The following MYO1D variants were observed in gnomAD, a reference collection of about 807,000 sequenced individuals.
The protein encoded by MYO1D is myosin ID, also known as unconventional myosin-Id.
A neutral mutation model predicts 122.0 loss-of-function variants in MYO1D; 83 were observed. The observed-to-expected ratio is 0.68, with a 90% confidence interval of 0.57 to 0.82. The LOEUF (loss-of-function observed/expected upper bound fraction) is 0.82. Ranked by LOEUF, MYO1D falls within the 40% of genes least tolerant of loss-of-function variation. MYO1D has a pLI of 0.00. For missense variants in MYO1D, 1,157 were observed against 1,269.5 expected, an observed-to-expected ratio of 0.91 and a Z score of 1.35; for synonymous variants, 464 against 446.9, an observed-to-expected ratio of 1.04 and a Z score of -0.48.
At chr17:32,870,597 T>TA (rs34935920) in intron 1 of MYO1D, among the ~76,000 whole-genome samples, 173 of 138,836 alleles carry the variant, frequency 1.2e-3, no homozygotes, top group Middle Eastern at 3.8e-3. Flanking sequence ...GATTGTCTGC[T>TA]AAAAAAAAAA....
chr17:32,867,898 A>C (rs969780788), intron 1 of MYO1D, among the ~76,000 whole-genome samples: 75 of 150,428 alleles, frequency 5.0e-4, no homozygotes, highest in African/African-American at 1.6e-3. Context: ...TAATGAGGAA[A>C]TTGGTTATAG....
At chr17:32,767,056 T>C (rs2090066479) in intron 7 of MYO1D, among the ~76,000 whole-genome samples, 1 of 152,224 alleles carries the variant, frequency 6.6e-6, no homozygotes, top group Admixed American at 6.5e-5. Context: ...TCATTCTTAT[T>C]GTAAGATTAT....
intron 15 of MYO1D, among the ~76,000 whole-genome samples, chr17:32,716,668 G>A (rs967005663): frequency 6.6e-6 from 1 of 152,168 alleles, no homozygotes; most frequent in African/African-American, 2.4e-5. Flanking sequence ...CTATAGTAGG[G>A]GTCTACATCT....
chr17:32,759,988 AG>A (rs1187684718), intron 10 of MYO1D: 1 of 562,016 alleles, frequency 1.8e-6, no homozygotes, highest in African/African-American at 1.9e-5. Context: ...AACTTAATAA[AG>A]TATGCTAAAC....
At chr17:32,566,010 C>G (rs1328084500) in intron 21 of MYO1D, among the ~76,000 whole-genome samples, 4 of 152,088 alleles carry the variant, frequency 2.6e-5, no homozygotes, top group African/African-American at 9.7e-5. Context: ...CAGATGTGAG[C>G]CACCGCACCC....
chr17:32,768,686 T>C (rs1232953681), intron 6 of MYO1D, among the ~76,000 whole-genome samples: 1 of 152,202 alleles, frequency 6.6e-6, no homozygotes, highest in Non-Finnish European at 1.5e-5. Flanking sequence ...GACAAGATAC[T>C]TAACCTCATT....
chr17:32,514,044 C>G (rs946075768), intron 21 of MYO1D, among the ~76,000 whole-genome samples: 1 of 151,596 alleles, frequency 6.6e-6, no homozygotes, highest in African/African-American at 2.4e-5. Flanking sequence ...GAGTTCAAGA[C>G]CAGCCTGGCC....
At chr17:32,845,838 G>A (rs1263209307) in intron 1 of MYO1D, among the ~76,000 whole-genome samples, 1 of 152,060 alleles carries the variant, frequency 6.6e-6, no homozygotes, top group Non-Finnish European at 1.5e-5. Context: ...TTCCACTCCT[G>A]TGGTGGCTTT....
chr17:32,503,349 CTG>C (rs994454222), intron 21 of MYO1D, among the ~76,000 whole-genome samples: 2 of 152,242 alleles, frequency 1.3e-5, no homozygotes, highest in African/African-American at 4.8e-5. Context: ...GATTAGGAGA[CTG>C]TCATTCGCCG....
At chr17:32,598,917 T>C (rs1277657026) in intron 21 of MYO1D, among the ~76,000 whole-genome samples, 1 of 152,200 alleles carries the variant, frequency 6.6e-6, no homozygotes, top group African/African-American at 2.4e-5. Context: ...AAAATACTAA[T>C]GATCATCTGA....
At chr17:32,852,469 ATTCTAC>A (rs1307530535) in intron 1 of MYO1D, among the ~76,000 whole-genome samples, 1 of 152,186 alleles carries the variant, frequency 6.6e-6, no homozygotes, top group African/African-American at 2.4e-5. Flanking sequence ...TAGCCAAGTT[ATTCTAC>A]TTCTAGGAAT....
rs1429762124 is a variant in MYO1D, at chr17:32,876,963, C to G, written c.-91G>C. The G allele has an allele frequency of 6.9e-6, 5 of 729,438 alleles. No homozygotes were observed. Among genetic ancestry groups the G allele is most frequent in the Admixed American group, 4.7e-5 (1 of 21,240 alleles). The allele number at this position is 729,438 out of a possible 1,614,324, so 45.2% of individuals were successfully genotyped here. On this transcript the variant is annotated 5_prime_UTR_variant, in exon 1 of 22. Transcript: ENST00000318217. ...GAGCTCGGGAGGGGCCGGGGCGAGGCCGCGCCGCGAGGCTACGGGGAGGGG... is the reference window on the plus strand; with the variant it reads ...GAGCTCGGGAGGGGCCGGGGCGAGGGCGCGCCGCGAGGCTACGGGGAGGGG...
At chr17:32,857,401 C>A (rs956114845) in intron 1 of MYO1D, among the ~76,000 whole-genome samples, 1 of 151,980 alleles carries the variant, frequency 6.6e-6, no homozygotes, top group Non-Finnish European at 1.5e-5. Context: ...CTGGCTAACA[C>A]GGTGAAACCC....
intron 1 of MYO1D, among the ~76,000 whole-genome samples, chr17:32,823,080 G>C (rs902235940): frequency 3.9e-5 from 6 of 152,146 alleles, no homozygotes; most frequent in Non-Finnish European, 8.8e-5. Flanking sequence ...CCACATTCAG[G>C]AAGGGGTGAT....
intron 21 of MYO1D, among the ~76,000 whole-genome samples, chr17:32,590,612 A>C (rs1019605126): frequency 6.6e-6 from 1 of 152,222 alleles, no homozygotes; most frequent in Admixed American, 6.5e-5. Flanking sequence ...GATGGTATAA[A>C]AATAGAACAG....
chr17:32,863,557 T>C (rs1376432438), intron 1 of MYO1D, among the ~76,000 whole-genome samples: 1 of 152,226 alleles, frequency 6.6e-6, no homozygotes, highest in South Asian at 2.1e-4. Context: ...AACTGAACCA[T>C]ATATTTTTAA....
rs927850746 is a variant in MYO1D at position 32,750,388 on chromosome 17, C to T, written c.1468-1382G>A. Among the ~76,000 whole-genome samples, 8 of 151,880 alleles carry T rather than the reference C, an allele frequency of 5.3e-5. 1 individual carries two copies. Among genetic ancestry groups the T allele is most frequent in the Non-Finnish European group, 7.4e-5 (5 of 67,920 alleles). On this transcript the variant is annotated intron_variant, in intron 11 of 21. Transcript: ENST00000318217. ...CAGCACTTTGGGAAGCTGAGGCGGGCGGATTCCGAGGTCAGGAGATTGAGA... is the reference window on the plus strand; with the variant it reads ...CAGCACTTTGGGAAGCTGAGGCGGGTGGATTCCGAGGTCAGGAGATTGAGA...
Position 32,715,477 on chromosome 17 carries a change from C to T in MYO1D, c.1914-3282G>A, listed in dbSNP as rs557600087. ...GATTCCATGACAGCATGCTCTCCTT[C>T]TGCCTCCCTGGATATATCTTGTCAA... On this transcript the variant is annotated intron_variant, in intron 15 of 21. Transcript: ENST00000318217. Among the ~76,000 whole-genome samples the T allele has an allele frequency of 2.6e-4, 39 of 152,196 alleles. 1 individual carries two copies. The highest frequency in any genetic ancestry group is 9.4e-4 in the African/African-American group (39 of 41,526).
chr17:32,735,146 T>A (rs1260934362), intron 14 of MYO1D, among the ~76,000 whole-genome samples: 4 of 151,748 alleles, frequency 2.6e-5, no homozygotes, highest in Non-Finnish European at 5.9e-5. Context: ...GTTTCCTTTG[T>A]CATCTATTAT....
Sources: gnomAD v4.1 joint callset for allele counts (sites outside exome capture counted in the v4.1 genomes callset) on GRCh38, gnomAD v4.1.1 for gene constraint, MANE v1.5 for transcripts, NCBI Gene and HGNC (gene_info 2026-07-23, HGNC 2026-07-21) for gene names.